ZNF362: variants seen among roughly 807,000 people sequenced by gnomAD.
The protein encoded by ZNF362 is rotund homolog.
A neutral mutation model predicts 42.9 loss-of-function variants in ZNF362; 11 were observed. The ratio of observed to expected loss-of-function variants is 0.26; its 90% CI spans 0.16 to 0.42. The LOEUF (loss-of-function observed/expected upper bound fraction) is 0.42. Ranked by LOEUF, ZNF362 falls within the 20% of genes least tolerant of loss-of-function variation. The pLI is 1.00. For missense variants in ZNF362, 362 were observed against 576.2 expected, an observed-to-expected ratio of 0.63 and a Z score of 3.81; for synonymous variants, 255 against 257.3, an observed-to-expected ratio of 0.99 and a Z score of 0.09.
the ZNF362 span, among the ~76,000 whole-genome samples, chr1:33,237,045 T>C: frequency 1.2e-4 from 19 of 152,120 alleles, no homozygotes; most frequent in African/African-American, 4.6e-4. Context: ...CACTCCAGCC[T>C]GGGCACAGAG....
the ZNF362 span, chr1:33,147,479 C>CCTTGCGG: frequency 6.2e-7 from 1 of 1,613,824 alleles, no homozygotes; most frequent in African/African-American, 1.3e-5. This position sits in a 1 kb window ranked among gnomAD's most constrained non-coding sequence, Gnocchi z 8.1. Flanking sequence ...TGGATGCTGC[C>CCTTGCGG]CTTGCGGCTT....
the ZNF362 span, among the ~76,000 whole-genome samples, chr1:33,171,995 T>C: frequency 6.6e-6 from 1 of 152,158 alleles, no homozygotes; most frequent in Non-Finnish European, 1.5e-5. Flanking sequence ...TTGGTCAGGC[T>C]GGTCTTGAAC....
chr1:33,265,683 A>G (rs1217458757), intron 1 of ZNF362, among the ~76,000 whole-genome samples: 2 of 151,976 alleles, frequency 1.3e-5, no homozygotes, highest in Non-Finnish European at 2.9e-5. Flanking sequence ...AAAACATGAG[A>G]AGCCTCAGTT....
the ZNF362 span, among the ~76,000 whole-genome samples, chr1:33,221,120 C>T: frequency 2.6e-4 from 40 of 152,122 alleles, no homozygotes; most frequent in Non-Finnish European, 4.6e-4. Context: ...CAGCCCGAGG[C>T]GTGGAGGGCA....
At chr1:33,130,459 G>T in the ZNF362 span, among the ~76,000 whole-genome samples, 1 of 152,204 alleles carries the variant, frequency 6.6e-6, no homozygotes, top group East Asian at 1.9e-4. Flanking sequence ...GAACTGCCCT[G>T]TGGGTAGGTC....
rs1264997820 is a variant in ZNF362, at chr1:33,270,518, C to T, written c.-57C>T. 1 of 1,042,298 alleles carries T rather than the reference C, an allele frequency of 9.6e-7. No homozygotes were observed. The highest frequency in any genetic ancestry group is 1.5e-6 in the Non-Finnish European group (1 of 666,662). The allele number at this position is 1,042,298 out of a possible 1,614,324, so 64.6% of individuals were successfully genotyped here. On this transcript the variant is annotated 5_prime_UTR_variant, in exon 2 of 9. Transcript: ENST00000539719. ...TTGGGAACACAGAGGAAGTGACTGG[C>T]TGGGGGTTCAGGGAAAGCTCCGTAG...
the ZNF362 span, among the ~76,000 whole-genome samples, chr1:33,132,504 C>T: frequency 6.6e-6 from 1 of 152,218 alleles, no homozygotes; most frequent in South Asian, 2.1e-4. Flanking sequence ...TATCCTTTCA[C>T]TCCTTCCTTC....
the ZNF362 span, among the ~76,000 whole-genome samples, chr1:33,209,618 T>C: frequency 1.3e-5 from 2 of 152,228 alleles, no homozygotes; most frequent in Admixed American, 6.5e-5. Context: ...ATTGGTCTAT[T>C]TGGAGATTCA....
chr1:33,195,038 T>TA, the ZNF362 span: 1 of 151,932 alleles, frequency 6.6e-6, no homozygotes, highest in Non-Finnish European at 1.5e-5. Context: ...ACAATAAAAA[T>TA]AAAAAAATCT....
At chr1:33,207,914 A>T in the ZNF362 span, among the ~76,000 whole-genome samples, 1 of 152,046 alleles carries the variant, frequency 6.6e-6, no homozygotes, top group Non-Finnish European at 1.5e-5. Flanking sequence ...CACTCTGATG[A>T]TAGTTTCTTT....
At chr1:33,224,157 A>G in the ZNF362 span, among the ~76,000 whole-genome samples, 1 of 152,218 alleles carries the variant, frequency 6.6e-6, no homozygotes, top group Non-Finnish European at 1.5e-5. Context: ...AAAGAGACCC[A>G]TAGGAGTCCA....
At position 33,280,227 on chromosome 1, in the gene ZNF362, CAGCCAG is replaced by C. The variant is rs759348133; in HGVS notation, c.458_463del (p.Gln153_Ser154del). On this transcript the variant is annotated inframe_deletion, in exon 5 of 9. Transcript: ENST00000539719. This position sits in a 1 kb window ranked among gnomAD's most constrained non-coding sequence, Gnocchi z 5.6. ...GCACCCCGTCCACACCCACCACCACCAGCCAGAGCCGCCTCATCGCCTCGTCCCCCA... is the reference window on the plus strand; with the variant it reads ...GCACCCCGTCCACACCCACCACCACCAGCCGCCTCATCGCCTCGTCCCCCA... 4 of 1,614,026 alleles carry C rather than the reference CAGCCAG, an allele frequency of 2.5e-6. No individual in the cohort carries two copies. Among genetic ancestry groups the C allele is most frequent in the Non-Finnish European group, 3.4e-6 (4 of 1,179,930 alleles).
At chr1:33,251,663 C>T (rs945995042), upstream of ZNF362, among the ~76,000 whole-genome samples, 1 of 152,076 alleles carries the variant, frequency 6.6e-6, no homozygotes, top group African/African-American at 2.4e-5. Flanking sequence ...TTCACAGCTC[C>T]CCTCTCTTTT....
At chr1:33,233,329 A>G in the ZNF362 span, among the ~76,000 whole-genome samples, 1 of 151,732 alleles carries the variant, frequency 6.6e-6, no homozygotes, top group Non-Finnish European at 1.5e-5. Context: ...TTTCCTGGCC[A>G]CCCATTCTGG....
chr1:33,212,405 G>A, the ZNF362 span, among the ~76,000 whole-genome samples: 3 of 152,180 alleles, frequency 2.0e-5, no homozygotes, highest in Non-Finnish European at 2.9e-5. Context: ...TATCTCTAAC[G>A]TATATTGAGC....
the ZNF362 span, among the ~76,000 whole-genome samples, chr1:33,212,847 C>G: frequency 3.9e-5 from 6 of 152,120 alleles, no homozygotes; most frequent in Non-Finnish European, 8.8e-5. Context: ...GAGAAGACAG[C>G]CGAACTATAT....
the ZNF362 span, among the ~76,000 whole-genome samples, chr1:33,243,750 C>T: frequency 6.6e-6 from 1 of 150,866 alleles, no homozygotes; most frequent in East Asian, 1.9e-4. Context: ...GCGCCCACCA[C>T]TACAACTGGC....
the ZNF362 span, among the ~76,000 whole-genome samples, chr1:33,151,896 G>A: frequency 6.6e-6 from 1 of 152,216 alleles, no homozygotes; most frequent in Non-Finnish European, 1.5e-5. Flanking sequence ...GGCAGTGAGT[G>A]GATTGTGTTT....
the ZNF362 span, among the ~76,000 whole-genome samples, chr1:33,154,093 G>A: frequency 2.6e-5 from 4 of 152,234 alleles, no homozygotes; most frequent in Admixed American, 2.0e-4. Flanking sequence ...GCAGCCGAAG[G>A]GAATGGCATG....
Sources: gnomAD v4.1 joint callset for allele counts (sites outside exome capture counted in the v4.1 genomes callset) on GRCh38, gnomAD v4.1.1 for gene constraint, Gnocchi (gnomAD v3.1) non-coding constraint, MANE v1.5 for transcripts, NCBI Gene and HGNC (gene_info 2026-07-23, HGNC 2026-07-21) for gene names.